Variants in KCNG2 observed in about 807,000 individuals in gnomAD.
KCNG2 encodes the protein potassium voltage-gated channel modifier subfamily G member 2.
In KCNG2, 7 loss-of-function variants were observed where a neutral mutation model predicts 12.3. The observed-to-expected ratio is 0.57, with a 90% CI of 0.32 to 1.07. The LOEUF (loss-of-function observed/expected upper bound fraction) is 1.07. Among genes scored for constraint, KCNG2 ranks in the 50% least tolerant of loss-of-function variants. The pLI is 0.04. For synonymous variants in KCNG2, 414 were observed against 351.4 expected, an observed-to-expected ratio of 1.18 and a Z score of -1.99; for missense variants, 703 against 726.0, an observed-to-expected ratio of 0.97 and a Z score of 0.36.
chr18:79,816,745 C>T (rs115223032), intron 1 of KCNG2, among the ~76,000 whole-genome samples: 1,738 of 152,322 alleles, frequency 0.011, 19 homozygotes, highest in African/African-American at 0.036. Context: ...GGGAAACATT[C>T]GCTGTTTCCT....
chr18:79,853,398 T>C (rs7234343), intron 1 of KCNG2, among the ~76,000 whole-genome samples: 137,629 of 152,004 alleles, frequency 0.91, 63,951 homozygotes, highest in East Asian at 1. Context: ...TAGGCGTCAC[T>C]GAGCAGCTGT....
intron 1 of KCNG2, among the ~76,000 whole-genome samples, chr18:79,836,054 CA>C (rs568265430): frequency 1.6e-3 from 244 of 152,090 alleles, no homozygotes; most frequent in Admixed American, 3.9e-3. Context: ...ATTGTGTAAA[CA>C]AAACAAAAAT....
intron 3 of KCNG2, among the ~76,000 whole-genome samples, chr18:79,880,567 C>T (rs1425756199): frequency 6.6e-6 from 1 of 152,054 alleles, no homozygotes; most frequent in Admixed American, 6.5e-5. Flanking sequence ...CTTCCAGAAA[C>T]ATGTAAGAGG....
intron 3 of KCNG2, among the ~76,000 whole-genome samples, chr18:79,872,668 C>A (rs1599416473): frequency 3.9e-5 from 6 of 152,356 alleles, no homozygotes; most frequent in African/African-American, 1.2e-4. Flanking sequence ...TGGCTTAGTT[C>A]TCAGACTCTG....
chr18:79,858,659 G>C (rs1979106659), intron 2 of KCNG2, among the ~76,000 whole-genome samples: 1 of 152,060 alleles, frequency 6.6e-6, no homozygotes, highest in African/African-American at 2.4e-5. Context: ...TTTCCACTGT[G>C]GCTGTGACAT....
In KCNG2 at chr18:79,899,764, C is replaced by A; in HGVS notation, c.1349C>A (p.Ala450Glu). The A allele has an allele frequency of 6.6e-7, 1 of 1,518,920 alleles. No individual in the cohort carries two copies. Among genetic ancestry groups the A allele is most frequent in the South Asian group, 1.3e-5 (1 of 79,178 alleles). The allele number at this position is 1,518,920 out of a possible 1,614,324, so 94.1% of individuals were successfully genotyped here. Residue 450 changes from alanine to glutamate, a missense_variant, in exon 4 of 4, where the codon GCG (alanine) becomes GAG (glutamate). By Grantham distance (107) the Ala-to-Glu change is moderately radical. Transcript: ENST00000316249. ...GACAGCTCGCAGGGCCCCGACAGCGCGGGCCTGGCCGACGACTCCGCGGAT... is the reference window on the plus strand; with the variant it reads ...GACAGCTCGCAGGGCCCCGACAGCGAGGGCCTGGCCGACGACTCCGCGGAT... ...TEDSSQGPDS[A>E]GLADDSADAL... is the part of the protein sequence containing the mutation.
chr18:79,849,740 C>T (rs1004930162), intron 1 of KCNG2, among the ~76,000 whole-genome samples: 4 of 152,234 alleles, frequency 2.6e-5, no homozygotes, highest in African/African-American at 9.6e-5. Context: ...TGGCTGGGGG[C>T]TGATGCTGGC....
At chr18:79,879,974 A>G (rs1221983754) in intron 3 of KCNG2, among the ~76,000 whole-genome samples, 1 of 152,244 alleles carries the variant, frequency 6.6e-6, no homozygotes, top group African/African-American at 2.4e-5. Flanking sequence ...AAAACATTCT[A>G]TGAGAAAAAA....
chr18:79,815,626 C>G (rs1184843450), intron 1 of KCNG2, among the ~76,000 whole-genome samples: 4 of 152,190 alleles, frequency 2.6e-5, no homozygotes, highest in Non-Finnish European at 4.4e-5. Flanking sequence ...CCAGCTGTCC[C>G]TGCCCACAGC....
chr18:79,830,911 G>T (rs1267971035), intron 1 of KCNG2, among the ~76,000 whole-genome samples: 94 of 99,900 alleles, frequency 9.4e-4, no homozygotes, highest in African/African-American at 3.5e-3. Context: ...GTTCCCTGCG[G>T]ACAGAGCCTT....
chr18:79,889,140 CAA>C (rs1455430100), intron 3 of KCNG2, among the ~76,000 whole-genome samples: 3 of 152,140 alleles, frequency 2.0e-5, no homozygotes, highest in African/African-American at 7.2e-5. Context: ...CTTTGAGGCA[CAA>C]AAGTTTTTAA....
At chr18:79,848,826 C>T (rs528125597) in intron 1 of KCNG2, among the ~76,000 whole-genome samples, 2 of 152,302 alleles carry the variant, frequency 1.3e-5, no homozygotes, top group East Asian at 3.9e-4. Flanking sequence ...CCAGACTGCC[C>T]GGCTGGAAGA....
intron 3 of KCNG2, among the ~76,000 whole-genome samples, chr18:79,880,612 T>C (rs1980257420): frequency 6.6e-6 from 1 of 152,098 alleles, no homozygotes; most frequent in South Asian, 2.1e-4. Context: ...AAGAGGCCAA[T>C]ACTCCTCTGA....
rs1016214163 is a variant in KCNG2 at position 79,899,387 on chromosome 18, G to A, written c.972G>A (p.Leu324=). The change falls in exon 4 of 4, where the codon CTG becomes CTA. Residue 324 remains leucine, a synonymous_variant. Coordinates refer to ENST00000316249, the MANE Select transcript of KCNG2 (RefSeq NM_012283.2). ...TMRRCAREFG[L]LLLFLCVAMA... is the part of the protein sequence containing the mutation. ...GCCGCTGCGCGCGCGAGTTCGGGCTGCTGCTGCTGTTCCTCTGCGTGGCCA... is the reference window on the plus strand; with the variant it reads ...GCCGCTGCGCGCGCGAGTTCGGGCTACTGCTGCTGTTCCTCTGCGTGGCCA... 3.8e-6 allele frequency: 6 copies of A among 1,571,098 alleles called. No homozygotes were observed. The highest frequency in any genetic ancestry group is 3.6e-5 in the Admixed American group (2 of 54,996).
intron 1 of KCNG2, among the ~76,000 whole-genome samples, chr18:79,798,992 C>A (rs2087386917): frequency 6.6e-6 from 1 of 152,248 alleles, no homozygotes; most frequent in Non-Finnish European, 1.5e-5. Flanking sequence ...CCCTCTGTCA[C>A]CTCCTCCAAA....
At position 79,899,503 on chromosome 18, in the gene KCNG2, CCGT is replaced by C. The variant is rs1385250991; in HGVS notation, c.1090_1092del (p.Val364del). 4 of 1,607,588 alleles carry C rather than the reference CCGT, an allele frequency of 2.5e-6. No homozygotes were observed. In the African/African-American group the frequency reaches 5.4e-5, roughly 22 times the overall value. On this transcript the variant is annotated inframe_deletion, in exon 4 of 4. Coordinates refer to ENST00000316249, the MANE Select transcript of KCNG2 (RefSeq NM_012283.2). ...AGCGTGCCCGCCAGCTATTGGTGGG[CCGT>C]CATCTCCATGACCACCGTGGGCTAC...
In KCNG2 at chr18:79,899,746, C is replaced by T. The variant is rs370780046; in HGVS notation, c.1331C>T (p.Ser444Leu). Residue 444 changes from serine to leucine, a missense_variant, in exon 4 of 4, where the codon TCG (serine) becomes TTG (leucine). Coordinates refer to ENST00000316249, the MANE Select transcript of KCNG2 (RefSeq NM_012283.2). ...THSATATEDS[S>L]QGPDSAGLAD... The stretch of plus-strand genomic sequence containing the variant: ...TCGGCCACAGCCACCGAGGACAGCT[C>T]GCAGGGCCCCGACAGCGCGGGCCTG... 5.2e-5 allele frequency: 82 copies of T among 1,586,030 alleles called. 1 individual carries two copies. Among genetic ancestry groups the T allele is most frequent in the South Asian group, 3.0e-4 (26 of 88,104 alleles).
At chr18:79,815,156 T>C (rs1287757040) in intron 1 of KCNG2, among the ~76,000 whole-genome samples, 1 of 152,126 alleles carries the variant, frequency 6.6e-6, no homozygotes, top group Non-Finnish European at 1.5e-5. Flanking sequence ...AAAATGCTTA[T>C]ATCCAGGCAC....
intron 1 of KCNG2, among the ~76,000 whole-genome samples, chr18:79,837,944 G>A (rs1978351738): frequency 6.6e-6 from 1 of 152,158 alleles, no homozygotes; most frequent in Admixed American, 6.5e-5. Context: ...GAAGAAAAAA[G>A]GTTTAATTGA....
Sources: gnomAD v4.1 joint callset for allele counts (sites outside exome capture counted in the v4.1 genomes callset) on GRCh38, gnomAD v4.1.1 for gene constraint, MANE v1.5 for transcripts, NCBI Gene and HGNC (gene_info 2026-07-23, HGNC 2026-07-21) for gene names.